The following PPARGC1B variants were observed in gnomAD, a reference collection of about 807,000 sequenced individuals.
PPARGC1B encodes the protein PPARG coactivator 1 beta.
Under a neutral mutation model 101.6 loss-of-function variants are expected in PPARGC1B, and 34 were observed. The observed-to-expected ratio is 0.33, with a 90% CI of 0.25 to 0.45. The LOEUF (loss-of-function observed/expected upper bound fraction) is 0.45, where lower values mean the gene tolerates loss of function less well. PPARGC1B is among the 20% of genes least tolerant of loss of function. PPARGC1B has a pLI of 1.00. For missense variants in PPARGC1B, 1,234 were observed against 1,317.6 expected (o/e 0.94, Z 0.98); for synonymous variants, 548 against 539.3 (o/e 1.02, Z -0.22).
intron 1 of PPARGC1B, among the ~76,000 whole-genome samples, chr5:149,809,066 A>G (rs1173314722): frequency 6.6e-6 from 1 of 151,956 alleles, no homozygotes; most frequent in Admixed American, 6.6e-5. Flanking sequence ...GCTTGAGCCC[A>G]GGAGTTTGAG....
chr5:149,736,789 T>C (rs1561845315), intron 1 of PPARGC1B, among the ~76,000 whole-genome samples: 1 of 152,178 alleles, frequency 6.6e-6, no homozygotes, highest in Admixed American at 6.5e-5. Context: ...TAGAACAATT[T>C]CAGGTTCACA....
chr5:149,798,655 G>A (rs553272734), intron 1 of PPARGC1B, among the ~76,000 whole-genome samples: 3 of 152,310 alleles, frequency 2.0e-5, no homozygotes, highest in South Asian at 4.1e-4. Flanking sequence ...TCTAGTTCAC[G>A]TTCTTCCCCT....
chr5:149,752,887 C>T (rs1755369956), intron 1 of PPARGC1B, among the ~76,000 whole-genome samples: 1 of 152,158 alleles, frequency 6.6e-6, no homozygotes, highest in African/African-American at 2.4e-5. Context: ...AAACATTATG[C>T]ATGTTACAAA....
At chr5:149,770,976 C>T (rs935364163) in intron 1 of PPARGC1B, among the ~76,000 whole-genome samples, 1 of 152,082 alleles carries the variant, frequency 6.6e-6, no homozygotes, top group Non-Finnish European at 1.5e-5. Context: ...GGCTTGCTGT[C>T]GTTTATGTGG....
intron 1 of PPARGC1B, among the ~76,000 whole-genome samples, chr5:149,778,021 A>G (rs1261496408): frequency 1.1e-5 from 1 of 90,312 alleles, no homozygotes; most frequent in East Asian, 3.7e-4. Flanking sequence ...CCACAGACAC[A>G]CACACAGAGT....
intron 1 of PPARGC1B, among the ~76,000 whole-genome samples, chr5:149,739,371 CTG>C (rs1245356600): frequency 1.3e-5 from 2 of 152,210 alleles, no homozygotes; most frequent in African/African-American, 4.8e-5. Flanking sequence ...GGTGATGAAA[CTG>C]AGGTGCAGGG....
intron 9 of PPARGC1B, 74 bp downstream of exon 9, chr5:149,840,190 AAGCCTTTTG>A (rs763113949): frequency 1.4e-6 from 2 of 1,431,908 alleles, no homozygotes; most frequent in Non-Finnish European, 1.9e-6. Flanking sequence ...TCATGGACCA[AAGCCTTTTG>A]AGGCTGGCTG....
chr5:149,769,067 A>G (rs1756026036), intron 1 of PPARGC1B, among the ~76,000 whole-genome samples: 1 of 152,232 alleles, frequency 6.6e-6, no homozygotes, highest in Non-Finnish European at 1.5e-5. Context: ...CAGCACTAGC[A>G]TCACTGCCTC....
chr5:149,790,743 C>T (rs1046620207), intron 1 of PPARGC1B, among the ~76,000 whole-genome samples: 1 of 152,138 alleles, frequency 6.6e-6, no homozygotes, highest in African/African-American at 2.4e-5. Context: ...GTGACTCCAG[C>T]TGTGAGATGG....
intron 1 of PPARGC1B, chr5:149,772,171 CGTT>C: frequency 6.2e-7 from 1 of 1,607,608 alleles, no homozygotes; most frequent in Non-Finnish European, 8.5e-7. Flanking sequence ...GTTTAGGTGG[CGTT>C]GGTGGTGAAG....
intron 3 of PPARGC1B, among the ~76,000 whole-genome samples, chr5:149,827,654 A>G (rs1758582856): frequency 6.6e-6 from 1 of 152,238 alleles, no homozygotes; most frequent in Non-Finnish European, 1.5e-5. Flanking sequence ...AGATACTTGC[A>G]GATTGCCCTC....
chr5:149,830,030 C>CAAAAAAAAAAAAAAAAAAAA (rs60711433), intron 3 of PPARGC1B, among the ~76,000 whole-genome samples: 24 of 34,206 alleles, frequency 7.0e-4, no homozygotes, highest in East Asian at 1.4e-3. Context: ...GACTGCATCT[C>CAAAAAAAAAAAAAAAAAAAA]AAAAAAAAAA....
At chr5:149,840,964 CTG>C (rs1759311495) in intron 9 of PPARGC1B, among the ~76,000 whole-genome samples, 1 of 152,108 alleles carries the variant, frequency 6.6e-6, no homozygotes, top group Non-Finnish European at 1.5e-5. Context: ...TTCTTGGAGT[CTG>C]GGTCTGGTCA....
intron 1 of PPARGC1B, among the ~76,000 whole-genome samples, chr5:149,815,234 GT>G (rs1317377077): frequency 2.0e-5 from 3 of 152,266 alleles, no homozygotes; most frequent in African/African-American, 7.2e-5. Flanking sequence ...GCCTCAGAAT[GT>G]GACCTCCTTG....
chr5:149,807,176 G>A (rs1020047190), intron 1 of PPARGC1B, among the ~76,000 whole-genome samples: 3 of 151,296 alleles, frequency 2.0e-5, no homozygotes, highest in African/African-American at 7.3e-5. Context: ...ACGTTGCTCA[G>A]ACTAAAATTT....
At chr5:149,840,251 A>G in intron 9 of PPARGC1B, 135 bp downstream of exon 9, 1 of 708,906 alleles carries the variant, frequency 1.4e-6, no homozygotes, top group Admixed American at 3.0e-5. Context: ...GGAAGAAGGG[A>G]CTATGGCAAC....
chr5:149,780,214 C>T (rs963139537), intron 1 of PPARGC1B, among the ~76,000 whole-genome samples: 1 of 152,214 alleles, frequency 6.6e-6, no homozygotes, highest in African/African-American at 2.4e-5. Context: ...CAGGCTCCAG[C>T]GCAGGATGAG....
At chr5:149,844,491 T>C (rs1759475841) in intron 10 of PPARGC1B, among the ~76,000 whole-genome samples, 1 of 152,060 alleles carries the variant, frequency 6.6e-6, no homozygotes, top group Non-Finnish European at 1.5e-5. Context: ...TACAAAAAAT[T>C]ACCCGGGCGT....
At chr5:149,787,187 A>G (rs968795183) in intron 1 of PPARGC1B, among the ~76,000 whole-genome samples, 1 of 152,252 alleles carries the variant, frequency 6.6e-6, no homozygotes, top group Non-Finnish European at 1.5e-5. Flanking sequence ...AGCATCAGCC[A>G]GTATCCTAAG....
Sources: allele counts gnomAD v4.1 joint callset (sites outside exome capture counted in the v4.1 genomes callset), GRCh38; gene constraint gnomAD v4.1.1; transcripts MANE v1.5; gene names NCBI Gene and HGNC (gene_info 2026-07-23, HGNC 2026-07-21).